Variants in ITGA11 observed in about 807,000 individuals in gnomAD.
ITGA11 encodes integrin subunit alpha 11, also known as integrin alpha-11.
Under a neutral mutation model 141.9 loss-of-function variants are expected in ITGA11, and 97 were observed. The ratio of observed to expected loss-of-function variants is 0.68; its 90% CI spans 0.58 to 0.81. ITGA11 has a LOEUF of 0.81. Among genes scored for constraint, ITGA11 ranks in the 30% least tolerant of loss-of-function variants. ITGA11 has a pLI of 0.00. For synonymous variants in ITGA11, 658 were observed against 624.6 expected, an observed-to-expected ratio of 1.05 and a Z score of -0.80; for missense variants, 1,387 against 1,559.2, an observed-to-expected ratio of 0.89 and a Z score of 1.86.
intron 2 of ITGA11, among the ~76,000 whole-genome samples, chr15:68,402,295 AT>A (rs1201240991): frequency 6.6e-6 from 1 of 152,176 alleles, no homozygotes; most frequent in Non-Finnish European, 1.5e-5. Flanking sequence ...TGATAAAAAT[AT>A]TCTAAAACTG....
At chr15:68,332,794 G>C (rs538635496) in intron 12 of ITGA11, among the ~76,000 whole-genome samples, 11 of 152,172 alleles carry the variant, frequency 7.2e-5, no homozygotes, top group Non-Finnish European at 1.3e-4. Flanking sequence ...AAAATCAGGA[G>C]ACTATTTAAA....
At chr15:68,420,823 T>C (rs1271905889) in intron 1 of ITGA11, among the ~76,000 whole-genome samples, 3 of 152,008 alleles carry the variant, frequency 2.0e-5, no homozygotes, top group African/African-American at 7.3e-5. Flanking sequence ...GCAGGCAATA[T>C]ACAACATGAA....
chr15:68,392,324 A>G (rs752585796), intron 2 of ITGA11, among the ~76,000 whole-genome samples: 4 of 152,254 alleles, frequency 2.6e-5, no homozygotes, highest in African/African-American at 4.8e-5. Context: ...GACAGCAATC[A>G]AGGCAGAGCT....
intron 1 of ITGA11, among the ~76,000 whole-genome samples, chr15:68,406,921 C>G: frequency 6.6e-6 from 1 of 152,324 alleles, no homozygotes; most frequent in Admixed American, 6.5e-5. Flanking sequence ...TACAATCACA[C>G]CTCTGGGAGA....
At chr15:68,407,984 T>C (rs941404442) in intron 1 of ITGA11, among the ~76,000 whole-genome samples, 2 of 152,244 alleles carry the variant, frequency 1.3e-5, no homozygotes, top group Admixed American at 1.3e-4. Flanking sequence ...TCCATTTCCC[T>C]GCCTCTCCTC....
intron 2 of ITGA11, among the ~76,000 whole-genome samples, chr15:68,372,105 A>G (rs1402995649): frequency 6.6e-6 from 1 of 152,140 alleles, no homozygotes; most frequent in East Asian, 1.9e-4. Context: ...TTCTCCTGGG[A>G]CAGCTTCCTC....
At chr15:68,306,348 G>T (rs1296225356) in intron 28 of ITGA11, among the ~76,000 whole-genome samples, 1 of 152,076 alleles carries the variant, frequency 6.6e-6, no homozygotes, top group East Asian at 1.9e-4. Flanking sequence ...CAGGGTATGT[G>T]TGGGGGAGCG....
chr15:68,373,427 T>C (rs774681384), intron 2 of ITGA11, among the ~76,000 whole-genome samples: 3 of 152,190 alleles, frequency 2.0e-5, no homozygotes, highest in Non-Finnish European at 4.4e-5. Flanking sequence ...AATTCAATCC[T>C]TGGAAAGAGG....
At chr15:68,389,780 AG>A (rs932510814) in intron 2 of ITGA11, among the ~76,000 whole-genome samples, 1 of 152,098 alleles carries the variant, frequency 6.6e-6, no homozygotes, top group African/African-American at 2.4e-5. Context: ...TGCCTTGCTG[AG>A]AGCTGAGGCT....
intron 1 of ITGA11, among the ~76,000 whole-genome samples, chr15:68,404,238 A>C (rs958034516): frequency 6.6e-6 from 1 of 151,998 alleles, no homozygotes; most frequent in Non-Finnish European, 1.5e-5. Context: ...CCCAGTGGCC[A>C]TGGGCGCCGG....
intron 1 of ITGA11, among the ~76,000 whole-genome samples, chr15:68,419,230 G>A (rs1029739993): frequency 4.6e-5 from 7 of 152,228 alleles, no homozygotes; most frequent in Non-Finnish European, 1.0e-4. Flanking sequence ...GGTCTTTTTG[G>A]TTTTCAGTAC....
Position 68,357,255 on chromosome 15 carries a change from G to A in ITGA11, c.645C>T (p.His215=). 6.2e-7 allele frequency: 1 copy of A among 1,613,898 alleles called. No homozygotes were observed. Among genetic ancestry groups the A allele is most frequent in the Non-Finnish European group, 8.5e-7 (1 of 1,179,852 alleles). Residue 215 remains histidine (H), a synonymous_variant, in exon 7 of 30, where the codon CAC becomes CAT. Transcript: ENST00000315757. ...CTTTTACAGACCTGTAGTCGTTGAG[G>A]TGAAACTCATGCACCACATCTTCGC... ...QYGEDVVHEF[H]LNDYRSVKDV...
In ITGA11 at chr15:68,321,918, A is replaced by C. The variant is rs538084790; in HGVS notation, c.2323-415T>G. ...TCACTAGTGTAAAATGTGCAAAAAA[A>C]CCGAAAAGAAATGTGCATGAGGAAT... On this transcript the variant is annotated intron_variant, in intron 18 of 29. Transcript: ENST00000315757. This position sits in a 1 kb window ranked among gnomAD's most constrained non-coding sequence, Gnocchi z 4.9. Among the ~76,000 whole-genome samples the C allele has an allele frequency of 1.1e-3, 174 of 152,378 alleles. No homozygotes were observed. Among genetic ancestry groups the C allele is most frequent in the Non-Finnish European group, 2.2e-3 (148 of 68,036 alleles).
intron 2 of ITGA11, among the ~76,000 whole-genome samples, chr15:68,381,587 GCT>G (rs1380648829): frequency 1.6e-4 from 24 of 150,518 alleles, no homozygotes; most frequent in African/African-American, 5.6e-4. Flanking sequence ...ACAGAGTCTT[GCT>G]CTGTTGCCCA....
chr15:68,311,238 G>T, intron 25 of ITGA11, 52 bp downstream of exon 25: 1 of 1,351,926 alleles, frequency 7.4e-7, no homozygotes, highest in Non-Finnish European at 1.0e-6. Flanking sequence ...TAGGGGGAGT[G>T]TCTGTCTCCT....
chr15:68,368,142 G>A (rs1895484747), intron 3 of ITGA11, among the ~76,000 whole-genome samples: 1 of 152,092 alleles, frequency 6.6e-6, no homozygotes, highest in Admixed American at 6.5e-5. Context: ...CTTATCTCTT[G>A]AACCTCTGCC....
chr15:68,340,616 C>T (rs983925330), intron 10 of ITGA11, among the ~76,000 whole-genome samples: 1 of 152,100 alleles, frequency 6.6e-6, no homozygotes, highest in Non-Finnish European at 1.5e-5. Context: ...AGGTCTTGTT[C>T]TACCCACCAG....
intron 2 of ITGA11, among the ~76,000 whole-genome samples, chr15:68,397,796 A>AATT (rs535329949): frequency 0.026 from 2,866 of 108,352 alleles, 378 homozygotes; most frequent in African/African-American, 0.11. Flanking sequence ...AATAATATAA[A>AATT]ATTATTAATA....
chr15:68,335,624 A>G lies in ITGA11; in HGVS notation c.1425+73T>C. ...CACCCAGTGGTCCAGGCATGCCTGT[A>G]TTTACTGCCCTCCCATTTGTCTGAT... On this transcript the variant is annotated intron_variant, in intron 12 of 29. Transcript: ENST00000315757. The surrounding 1 kb of genome is among the most constrained non-coding windows in gnomAD (Gnocchi z 4.9). 1 of 1,537,448 alleles carries G rather than the reference A, an allele frequency of 6.5e-7. No individual in the cohort carries two copies.
Sources: allele counts gnomAD v4.1 joint callset (sites outside exome capture counted in the v4.1 genomes callset), GRCh38; gene constraint gnomAD v4.1.1; non-coding constraint Gnocchi (gnomAD v3.1); transcripts MANE v1.5; gene names NCBI Gene and HGNC (gene_info 2026-07-23, HGNC 2026-07-21).